Variants in KCNIP4 observed in about 807,000 individuals in gnomAD.
KCNIP4 encodes potassium voltage-gated channel interacting protein 4.
In KCNIP4, 12 loss-of-function variants were observed where a neutral mutation model predicts 34.0. The observed-to-expected ratio is 0.35, with a 90% CI of 0.23 to 0.57. The LOEUF (loss-of-function observed/expected upper bound fraction) is 0.57, where lower values mean the gene tolerates loss of function less well. Among genes scored for constraint, KCNIP4 ranks in the 20% least tolerant of loss-of-function variants. The probability of loss-of-function intolerance (pLI) is 0.83; values close to 1 mark genes in which losing one functional copy is unlikely to be tolerated. For missense variants in KCNIP4, 238 were observed against 311.7 expected (o/e 0.76, Z 1.78); for synonymous variants, 124 against 102.2 (o/e 1.21, Z -1.29).
chr4:21,043,326 T>C (rs1249281266), intron 1 of KCNIP4, among the ~76,000 whole-genome samples: 1 of 152,160 alleles, frequency 6.6e-6, no homozygotes, highest in African/African-American at 2.4e-5. Context: ...TGTATTTGTT[T>C]TTTCTGTTTG....
At chr4:20,865,270 G>T (rs1184731404) in intron 2 of KCNIP4, among the ~76,000 whole-genome samples, 1 of 151,932 alleles carries the variant, frequency 6.6e-6, no homozygotes, top group Admixed American at 6.6e-5. Flanking sequence ...AAACATCATA[G>T]GCATATTAGA....
chr4:21,903,267 T>G (rs1727807514), intron 1 of KCNIP4, among the ~76,000 whole-genome samples: 1 of 152,150 alleles, frequency 6.6e-6, no homozygotes, highest in Non-Finnish European at 1.5e-5. Flanking sequence ...ACATGGATAA[T>G]GCAGGTCACA....
intron 1 of KCNIP4, among the ~76,000 whole-genome samples, chr4:21,133,422 T>A (rs1751247773): frequency 6.6e-6 from 1 of 152,170 alleles, no homozygotes; most frequent in South Asian, 2.1e-4. Context: ...TCCTTCTGCA[T>A]CCCATATTTC....
At chr4:21,009,028 T>C (rs1224160218) in intron 1 of KCNIP4, among the ~76,000 whole-genome samples, 2 of 152,150 alleles carry the variant, frequency 1.3e-5, no homozygotes, top group South Asian at 2.1e-4. Context: ...AAAATATCTT[T>C]CACAAATAAT....
intron 1 of KCNIP4, among the ~76,000 whole-genome samples, chr4:21,505,502 A>G (rs748753757): frequency 1.3e-5 from 2 of 152,194 alleles, no homozygotes; most frequent in African/African-American, 4.8e-5. Flanking sequence ...ACTTTGTCCA[A>G]CTGTCCCCTC....
intron 1 of KCNIP4, among the ~76,000 whole-genome samples, chr4:21,366,288 T>C (rs1305971963): frequency 6.6e-6 from 1 of 152,034 alleles, no homozygotes; most frequent in Non-Finnish European, 1.5e-5. Flanking sequence ...AAAAACATAC[T>C]CCAGCCTACA....
In KCNIP4 at chr4:21,200,123, C is replaced by T. The variant is rs548057145; in HGVS notation, c.62-317414G>A. 7.9e-5 allele frequency among the ~76,000 whole-genome samples: 12 copies of T among 151,712 alleles called. 1 individual carries two copies. Among genetic ancestry groups the T allele is most frequent in the African/African-American group, 1.5e-4 (6 of 41,308 alleles). On this transcript the variant is annotated intron_variant, in intron 1 of 8. Transcript: ENST00000382152. ...AGTTAATGGGTGCAGCACACCAACACGGCACATGTATACATATGTAACAAA... is the reference window on the plus strand; with the variant it reads ...AGTTAATGGGTGCAGCACACCAACATGGCACATGTATACATATGTAACAAA...
intron 1 of KCNIP4, among the ~76,000 whole-genome samples, chr4:21,297,250 A>G (rs1763895989): frequency 6.6e-6 from 1 of 152,060 alleles, no homozygotes; most frequent in South Asian, 2.1e-4. Context: ...CCAAAAATTC[A>G]TCTGTGGGGT....
At chr4:21,779,486 C>A (rs1419651436) in intron 1 of KCNIP4, among the ~76,000 whole-genome samples, 1 of 152,102 alleles carries the variant, frequency 6.6e-6, no homozygotes, top group Non-Finnish European at 1.5e-5. Flanking sequence ...TGTTAATTAG[C>A]TTTAATTATT....
At chr4:21,300,636 C>G (rs891701397) in intron 1 of KCNIP4, among the ~76,000 whole-genome samples, 2 of 152,162 alleles carry the variant, frequency 1.3e-5, no homozygotes, top group South Asian at 4.1e-4. Flanking sequence ...CAGCCCCACA[C>G]GTCAAATTCT....
chr4:21,876,456 G>A (rs1022433810), intron 1 of KCNIP4, among the ~76,000 whole-genome samples: 6 of 152,046 alleles, frequency 3.9e-5, no homozygotes, highest in Non-Finnish European at 5.9e-5. Flanking sequence ...AGCAGAAGCA[G>A]GATTGTAAGC....
chr4:21,645,289 C>A lies in KCNIP4; in HGVS notation c.61+303282G>T, dbSNP rs528848222. On this transcript the variant is annotated intron_variant, in intron 1 of 8. Transcript: ENST00000382152. ...GGTTAAATAAATTGCCCATATCATACATTTAGTAAGCAATAGAACCGAAAT... is the reference window on the plus strand; with the variant it reads ...GGTTAAATAAATTGCCCATATCATAAATTTAGTAAGCAATAGAACCGAAAT... 2.0e-5 allele frequency among the ~76,000 whole-genome samples: 3 copies of A among 152,218 alleles called. No individual in the cohort carries two copies. The South Asian group carries it at 6.2e-4, about 32-fold the overall frequency.
chr4:20,941,940 T>G (rs1250338039), intron 1 of KCNIP4, among the ~76,000 whole-genome samples: 3 of 152,152 alleles, frequency 2.0e-5, no homozygotes, highest in African/African-American at 4.8e-5. Flanking sequence ...AACACCACAA[T>G]ATATGCATTG....
At chr4:21,763,944 T>C (rs1173453761) in intron 1 of KCNIP4, among the ~76,000 whole-genome samples, 1 of 152,104 alleles carries the variant, frequency 6.6e-6, no homozygotes, top group Non-Finnish European at 1.5e-5. Flanking sequence ...ATAGGTTTGC[T>C]AGGAAATGGG....
intron 1 of KCNIP4, among the ~76,000 whole-genome samples, chr4:21,068,904 T>C (rs563956516): frequency 6.6e-6 from 1 of 152,296 alleles, no homozygotes; most frequent in South Asian, 2.1e-4. Context: ...ACAGTATAGA[T>C]GTGTTATTGT....
intron 1 of KCNIP4, among the ~76,000 whole-genome samples, chr4:21,550,834 C>T (rs993085439): frequency 6.6e-6 from 1 of 152,066 alleles, no homozygotes; most frequent in Admixed American, 6.6e-5. Flanking sequence ...AAAAAAACCA[C>T]AGTTCTCAAT....
intron 1 of KCNIP4, among the ~76,000 whole-genome samples, chr4:21,661,181 C>T (rs889303679): frequency 6.6e-6 from 1 of 152,200 alleles, no homozygotes; most frequent in Admixed American, 6.5e-5. Flanking sequence ...CATCTGTCCA[C>T]TCCATCTCCT....
At chr4:21,682,839 C>T (rs1311455613) in intron 1 of KCNIP4, among the ~76,000 whole-genome samples, 1 of 152,128 alleles carries the variant, frequency 6.6e-6, no homozygotes, top group East Asian at 1.9e-4. Context: ...ATTACGTTCA[C>T]TGTCTCATAT....
At chr4:21,536,487 T>A (rs545159352) in intron 1 of KCNIP4, among the ~76,000 whole-genome samples, 1 of 151,014 alleles carries the variant, frequency 6.6e-6, no homozygotes, top group Admixed American at 6.6e-5. Context: ...TCATTTAATA[T>A]GGTTAACACG....
Sources: gnomAD v4.1 joint callset for allele counts (sites outside exome capture counted in the v4.1 genomes callset) on GRCh38, gnomAD v4.1.1 for gene constraint, MANE v1.5 for transcripts, NCBI Gene and HGNC (gene_info 2026-07-23, HGNC 2026-07-21) for gene names.